Variants in FBXO4 observed in about 807,000 individuals in gnomAD.
FBXO4 encodes the protein F-box protein 4.
In FBXO4, 36 loss-of-function variants were observed where a neutral mutation model predicts 43.7. The observed-to-expected ratio is 0.82, with a 90% CI of 0.63 to 1.09. The LOEUF (loss-of-function observed/expected upper bound fraction) is 1.09, where lower values mean the gene tolerates loss of function less well. FBXO4 is among the 50% of genes least tolerant of loss of function. FBXO4 has a pLI of 0.00. For synonymous variants in FBXO4, 180 were observed against 165.6 expected, an observed-to-expected ratio of 1.09 and a Z score of -0.67; for missense variants, 435 against 474.1, an observed-to-expected ratio of 0.92 and a Z score of 0.77.
the FBXO4 span, among the ~76,000 whole-genome samples, chr5:41,995,681 A>G: frequency 6.6e-6 from 1 of 152,140 alleles, no homozygotes; most frequent in Non-Finnish European, 1.5e-5. Context: ...ATTGATGAGT[A>G]CTCACATGAG....
At chr5:41,951,139 C>A in the FBXO4 span, among the ~76,000 whole-genome samples, 1 of 152,172 alleles carries the variant, frequency 6.6e-6, no homozygotes, top group Non-Finnish European at 1.5e-5. Flanking sequence ...TGCAGCAAAC[C>A]ACCATGGCAA....
the FBXO4 span, chr5:41,967,134 GAGTT>G: frequency 5.5e-6 from 2 of 366,538 alleles, no homozygotes; most frequent in Non-Finnish European, 1.1e-5. Context: ...GAAGACACAA[GAGTT>G]AGTTAGTGGC....
chr5:41,947,256 CATCAATT>C, the FBXO4 span, among the ~76,000 whole-genome samples: 1 of 152,160 alleles, frequency 6.6e-6, no homozygotes, highest in Non-Finnish European at 1.5e-5. Context: ...TAACTACCTT[CATCAATT>C]AAGAGATAAA....
rs1751628665 is a variant in FBXO4, at chr5:41,929,899, C to T, written c.628C>T (p.Pro210Ser). ...GGAACTTTGCCCAACAGCTGGTTTGCCTCAGAGGCAGATTGATGGTAATTT... is the reference window on the plus strand; with the variant it reads ...GGAACTTTGCCCAACAGCTGGTTTGTCTCAGAGGCAGATTGATGGTAATTT... ...SEELCPTAGL[P>S]QRQIDGIGSG... Residue 210 changes from proline (P) to serine (S), a missense_variant, in exon 3 of 7, where the codon CCT becomes TCT. Transcript: ENST00000281623. 1.9e-6 allele frequency: 3 copies of T among 1,610,876 alleles called. No individual in the cohort carries two copies. Among genetic ancestry groups the T allele is most frequent in the Non-Finnish European group, 1.7e-6 (2 of 1,179,014 alleles).
At chr5:41,999,485 A>ATGTG in the FBXO4 span, among the ~76,000 whole-genome samples, 1 of 98,920 alleles carries the variant, frequency 1.0e-5, no homozygotes, top group Non-Finnish European at 1.9e-5. Context: ...ATACACATAT[A>ATGTG]TATATATACA....
the FBXO4 span, among the ~76,000 whole-genome samples, chr5:42,034,551 G>C: frequency 6.6e-6 from 1 of 152,124 alleles, no homozygotes; most frequent in Admixed American, 6.5e-5. Context: ...TAAGGTGTAA[G>C]GAAGGGGTCC....
the FBXO4 span, among the ~76,000 whole-genome samples, chr5:41,973,104 G>A: frequency 1.3e-5 from 2 of 152,102 alleles, no homozygotes. Context: ...TTACTGCACA[G>A]CAAAAGAAAC....
downstream of FBXO4, among the ~76,000 whole-genome samples, chr5:41,943,509 T>A (rs1752034426): frequency 6.6e-6 from 1 of 152,154 alleles, no homozygotes; most frequent in Admixed American, 6.6e-5. Flanking sequence ...GCATAAGTAC[T>A]TCTCTGTGGG....
At chr5:41,994,265 A>G in the FBXO4 span, among the ~76,000 whole-genome samples, 1 of 152,256 alleles carries the variant, frequency 6.6e-6, no homozygotes, top group Non-Finnish European at 1.5e-5. Flanking sequence ...GTCACATGAT[A>G]AAGAAGAAAA....
chr5:42,031,651 T>A, the FBXO4 span, among the ~76,000 whole-genome samples: 1 of 151,910 alleles, frequency 6.6e-6, no homozygotes, highest in East Asian at 1.9e-4. Flanking sequence ...AAAAGAAAGG[T>A]CACATATCTG....
chr5:42,028,182 G>A, the FBXO4 span, among the ~76,000 whole-genome samples: 1 of 151,660 alleles, frequency 6.6e-6, no homozygotes, highest in Non-Finnish European at 1.5e-5. Flanking sequence ...AATAATATTT[G>A]CTTTATACAT....
Position 41,926,292 on chromosome 5 carries a change from G to A in FBXO4, c.190-721G>A, listed in dbSNP as rs367937729. Among the ~76,000 whole-genome samples, 20 of 152,222 alleles carry A rather than the reference G, an allele frequency of 1.3e-4. 3 individuals are homozygous for A. Among genetic ancestry groups the A allele is most frequent in the African/African-American group, 4.8e-4 (20 of 41,548 alleles). On this transcript the variant is annotated intron_variant, in intron 1 of 6. Coordinates refer to ENST00000281623, the MANE Select transcript of FBXO4 (RefSeq NM_012176.3). Reference sequence around the variant, plus strand: ...AGAGGAACTAAGATGACAAATTTACGGCCGGGCGCGGTGGCTCACGCCTGT... The same window carrying A: ...AGAGGAACTAAGATGACAAATTTACAGCCGGGCGCGGTGGCTCACGCCTGT...
chr5:42,019,120 TA>T, the FBXO4 span, among the ~76,000 whole-genome samples: 1 of 152,188 alleles, frequency 6.6e-6, no homozygotes, highest in Non-Finnish European at 1.5e-5. Flanking sequence ...TTTAATAACC[TA>T]AGTATATTTG....
chr5:41,948,297 G>A, the FBXO4 span, among the ~76,000 whole-genome samples: 11 of 151,890 alleles, frequency 7.2e-5, no homozygotes, highest in Admixed American at 2.6e-4. Context: ...CACCACGCCC[G>A]GCTAATTTTT....
chr5:41,930,363 A>C (rs1751648548), intron 3 of FBXO4, among the ~76,000 whole-genome samples: 1 of 152,236 alleles, frequency 6.6e-6, no homozygotes, highest in Non-Finnish European at 1.5e-5. Context: ...AGTAATAATA[A>C]AATTTAGCCT....
chr5:41,926,260 A>C (rs1452269488), intron 1 of FBXO4, among the ~76,000 whole-genome samples: 1 of 152,200 alleles, frequency 6.6e-6, no homozygotes, highest in East Asian at 1.9e-4. Flanking sequence ...ATTTTAATAG[A>C]TTCTGTAGAG....
chr5:41,999,499 A>ATG, the FBXO4 span, among the ~76,000 whole-genome samples: 61 of 98,432 alleles, frequency 6.2e-4, no homozygotes, highest in African/African-American at 1.7e-3. Flanking sequence ...ATATACATAT[A>ATG]TATATGTGTA....
At chr5:41,928,362 T>C (rs1751575854) in intron 2 of FBXO4, among the ~76,000 whole-genome samples, 1 of 147,026 alleles carries the variant, frequency 6.8e-6, no homozygotes, top group Non-Finnish European at 1.5e-5. Context: ...TGAGACGGAG[T>C]CTTGCTCTGT....
chr5:42,011,228 C>T, the FBXO4 span, among the ~76,000 whole-genome samples: 3 of 152,102 alleles, frequency 2.0e-5, no homozygotes, highest in Admixed American at 6.6e-5. Flanking sequence ...TGTTGAGAGG[C>T]GGGGCCTAGT....
Sources: allele counts gnomAD v4.1 joint callset (sites outside exome capture counted in the v4.1 genomes callset), GRCh38; gene constraint gnomAD v4.1.1; transcripts MANE v1.5; gene names NCBI Gene and HGNC (gene_info 2026-07-23, HGNC 2026-07-21).